Variants in MACROD2 observed in about 807,000 individuals in gnomAD.
MACROD2 encodes the protein mono-ADP ribosylhydrolase 2.
In MACROD2, 36 loss-of-function variants were observed where a neutral mutation model predicts 70.4. The observed-to-expected ratio is 0.51, with a 90% CI of 0.39 to 0.68. The LOEUF (loss-of-function observed/expected upper bound fraction) is 0.68, where lower values mean the gene tolerates loss of function less well. Among genes scored for constraint, MACROD2 ranks in the 30% least tolerant of loss-of-function variants. The pLI, the probability that MACROD2 is intolerant of heterozygous loss-of-function variation, is 0.00. For synonymous variants in MACROD2, 172 were observed against 178.8 expected, an observed-to-expected ratio of 0.96 and a Z score of 0.30; for missense variants, 496 against 538.4, an observed-to-expected ratio of 0.92 and a Z score of 0.78.
At chr20:14,758,068 G>T (rs1270914842) in intron 5 of MACROD2, 3 of 563,624 alleles carry the variant, frequency 5.3e-6, no homozygotes, top group Non-Finnish European at 9.6e-6. Flanking sequence ...TTTGGAGAGG[G>T]TTATTTTGCA....
At chr20:14,835,911 C>T (rs974204121) in intron 5 of MACROD2, among the ~76,000 whole-genome samples, 7 of 152,080 alleles carry the variant, frequency 4.6e-5, no homozygotes, top group African/African-American at 1.7e-4. Flanking sequence ...TAGGAAAAGT[C>T]GGGCAAGTGG....
At position 14,867,983 on chromosome 20, in the gene MACROD2, CA is replaced by C. The variant is rs569875454; in HGVS notation, c.418+183026del. Among the ~76,000 whole-genome samples, 15 of 152,024 alleles carry C rather than the reference CA, an allele frequency of 9.9e-5. No homozygotes were observed. The East Asian group carries it at 2.9e-3, about 29-fold the overall frequency. ...CCTCAAAGTTCAGTGAAGGAGAGGG[CA>C]ATAGAGTGAAGAATTTGTTGCTGTC... is the stretch of plus-strand genomic sequence containing the variant. On this transcript the variant is annotated intron_variant, in intron 5 of 17. Transcript: ENST00000684519.
intron 8 of MACROD2, among the ~76,000 whole-genome samples, chr20:15,795,939 A>G (rs1360981042): frequency 2.0e-5 from 3 of 152,124 alleles, no homozygotes; most frequent in Admixed American, 6.5e-5. Flanking sequence ...TTCTATTCTC[A>G]TGCTCTGTGG....
chr20:14,668,752 C>G (rs1023642520), intron 4 of MACROD2, among the ~76,000 whole-genome samples: 2 of 151,882 alleles, frequency 1.3e-5, no homozygotes, highest in African/African-American at 4.8e-5. Context: ...CTAAAAAGAG[C>G]TTTTCTTGCT....
intron 4 of MACROD2, among the ~76,000 whole-genome samples, chr20:14,598,166 C>T (rs536907820): frequency 1.3e-5 from 2 of 152,274 alleles, no homozygotes; most frequent in East Asian, 3.9e-4. Context: ...TTGGCAGACT[C>T]ACGCAAACTT....
chr20:15,317,531 A>ATCTG (rs1398641532), intron 6 of MACROD2, among the ~76,000 whole-genome samples: 1 of 126,208 alleles, frequency 7.9e-6, no homozygotes, highest in East Asian at 2.2e-4. Flanking sequence ...CTATCTGTCT[A>ATCTG]TCTATCTCTA....
chr20:14,583,273 G>A (rs4141733), intron 4 of MACROD2, among the ~76,000 whole-genome samples: 148,974 of 152,218 alleles, frequency 0.98, 72,985 homozygotes, highest in East Asian at 1. Flanking sequence ...CCCACAGACC[G>A]TTAGGGGCCA....
At chr20:14,559,742 T>C (rs1353986955) in intron 4 of MACROD2, among the ~76,000 whole-genome samples, 2 of 151,884 alleles carry the variant, frequency 1.3e-5, no homozygotes, top group African/African-American at 2.4e-5. Context: ...ATTTTTACAA[T>C]AGACTCTCCA....
At chr20:15,713,763 G>T (rs2050663100) in intron 8 of MACROD2, among the ~76,000 whole-genome samples, 1 of 152,070 alleles carries the variant, frequency 6.6e-6, no homozygotes, top group Admixed American at 6.6e-5. Flanking sequence ...GGTCTGGTCT[G>T]GTCAGGGGTA....
chr20:15,085,858 AACACACACACACACAACACACACACACAC>A (rs2075743175), intron 5 of MACROD2, among the ~76,000 whole-genome samples: 1 of 135,766 alleles, frequency 7.4e-6, no homozygotes, highest in East Asian at 2.1e-4. Context: ...AAAGATGAAT[AACACACACACACACAACACACACACACAC>A]ACACACACAC....
At chr20:14,376,301 G>A (rs557016100) in intron 3 of MACROD2, among the ~76,000 whole-genome samples, 3 of 151,498 alleles carry the variant, frequency 2.0e-5, no homozygotes, top group South Asian at 2.1e-4. Context: ...TGCTAGTGTC[G>A]TGACCAGAAT....
chr20:15,188,020 A>T (rs1397959534), intron 5 of MACROD2, among the ~76,000 whole-genome samples: 1 of 152,184 alleles, frequency 6.6e-6, no homozygotes, highest in East Asian at 1.9e-4. Flanking sequence ...GGGCTTTCAG[A>T]AACACAATCG....
chr20:14,782,353 A>G (rs919204777), intron 5 of MACROD2, among the ~76,000 whole-genome samples: 5 of 152,162 alleles, frequency 3.3e-5, no homozygotes, highest in African/African-American at 4.8e-5. Flanking sequence ...GGCCTTAACT[A>G]TCTATTCAGA....
intron 8 of MACROD2, among the ~76,000 whole-genome samples, chr20:15,644,952 G>T (rs1215246624): frequency 6.6e-6 from 1 of 152,172 alleles, no homozygotes; most frequent in Non-Finnish European, 1.5e-5. Flanking sequence ...GCCTCCCAAA[G>T]TGTTGGGATT....
At chr20:14,497,217 A>G (rs746816138) in intron 4 of MACROD2, among the ~76,000 whole-genome samples, 1 of 151,742 alleles carries the variant, frequency 6.6e-6, no homozygotes, top group Non-Finnish European at 1.5e-5. Context: ...GAAAGTCGAT[A>G]CAATGGCACT....
At chr20:14,316,861 A>C (rs1390108677) in intron 3 of MACROD2, among the ~76,000 whole-genome samples, 1 of 152,112 alleles carries the variant, frequency 6.6e-6, no homozygotes, top group Non-Finnish European at 1.5e-5. Flanking sequence ...TGACCTTATT[A>C]CAATTGAAAT....
intron 8 of MACROD2, among the ~76,000 whole-genome samples, chr20:15,750,051 G>A (rs1001192770): frequency 3.9e-5 from 6 of 151,998 alleles, no homozygotes; most frequent in Admixed American, 6.6e-5. Context: ...GAAAAACAGA[G>A]TAAAGAGACA....
intron 5 of MACROD2, among the ~76,000 whole-genome samples, chr20:14,864,315 C>A (rs1387034333): frequency 6.6e-6 from 1 of 152,088 alleles, no homozygotes; most frequent in Non-Finnish European, 1.5e-5. Flanking sequence ...CAAATAATAT[C>A]TGTTTGTGTA....
intron 4 of MACROD2, among the ~76,000 whole-genome samples, chr20:14,642,880 T>G (rs2123494616): frequency 6.6e-6 from 1 of 151,960 alleles, no homozygotes. Flanking sequence ...AAGCATATAC[T>G]GTTGGAAAAA....
Sources: gnomAD v4.1 joint callset for allele counts (sites outside exome capture counted in the v4.1 genomes callset) on GRCh38, gnomAD v4.1.1 for gene constraint, MANE v1.5 for transcripts, NCBI Gene and HGNC (gene_info 2026-07-23, HGNC 2026-07-21) for gene names.